NPAT: variants seen among roughly 807,000 people sequenced by gnomAD.
NPAT encodes nuclear protein, coactivator of histone transcription.
A neutral mutation model predicts 130.7 loss-of-function variants in NPAT; 52 were observed. That is an observed-to-expected ratio of 0.40 (90% CI 0.32 to 0.50). The LOEUF is 0.50. NPAT is among the 20% of genes least tolerant of loss of function. NPAT has a pLI of 0.68. For synonymous variants in NPAT, 580 were observed against 584.8 expected, an observed-to-expected ratio of 0.99 and a Z score of 0.12; for missense variants, 1,687 against 1,662.6, an observed-to-expected ratio of 1.01 and a Z score of -0.26.
At chr11:108,203,520 T>C (rs2078294887) in intron 1 of NPAT, among the ~76,000 whole-genome samples, 1 of 152,208 alleles carries the variant, frequency 6.6e-6, no homozygotes, top group African/African-American at 2.4e-5. Flanking sequence ...TCTGTTGACC[T>C]GTAACAGTAC....
intron 1 of NPAT, among the ~76,000 whole-genome samples, chr11:108,201,962 T>A (rs1445528247): frequency 5.3e-5 from 8 of 152,112 alleles, no homozygotes; most frequent in Non-Finnish European, 1.0e-4. Flanking sequence ...AGTTCTTTTG[T>A]GGAATAAGGG....
At chr11:108,187,152 T>C (rs1270332510) in intron 7 of NPAT, among the ~76,000 whole-genome samples, 1 of 152,172 alleles carries the variant, frequency 6.6e-6, no homozygotes, top group Non-Finnish European at 1.5e-5. Context: ...TGTTAAATAT[T>C]AATGTTGCTC....
Position 108,161,360 on chromosome 11 carries a change from A to C in NPAT, c.3726T>G (p.Ile1242Met), listed in dbSNP as rs974492327. The C allele has an allele frequency of 6.2e-7, 1 of 1,614,186 alleles. No individual in the cohort carries two copies. Among genetic ancestry groups the C allele is most frequent in the East Asian group, 2.2e-5 (1 of 44,888 alleles). Residue 1242 changes from isoleucine (I) to methionine (M), a missense_variant, in exon 17 of 18, where the codon ATT (isoleucine) becomes ATG (methionine). Physicochemically the swap from Ile to Met is conservative, Grantham distance 10 (BLOSUM62 1). This residue lies in a region of NPAT where 1,379 missense variants were observed against 1,346.6 expected (regional missense o/e 1.02). Transcript: ENST00000278612. ...GTATATCCTGTAACATTTCTGTGGT[A>C]ATCAAAGAACTGGCGGATTTAGTTT... is the stretch of plus-strand genomic sequence containing the variant. ...QEQTKSASSL[I>M]TTEMLQDIQR...
chr11:108,166,951 C>T (rs1380249765), intron 15 of NPAT, among the ~76,000 whole-genome samples: 1 of 152,088 alleles, frequency 6.6e-6, no homozygotes, highest in Non-Finnish European at 1.5e-5. Context: ...TTCAAATATT[C>T]TCCATTTCTA....
intron 1 of NPAT, among the ~76,000 whole-genome samples, chr11:108,215,754 G>A (rs1447931208): frequency 6.6e-6 from 1 of 152,182 alleles, no homozygotes. Flanking sequence ...CTCTCTACTT[G>A]TTGATGAATC....
Position 108,160,978 on chromosome 11 carries a change from G to A in NPAT, c.4108C>T (p.Arg1370Trp), listed in dbSNP as rs1465238492. The change falls in exon 17 of 18, where the codon CGG becomes TGG. Residue 1370 changes from arginine (R) to tryptophan (W), a missense_variant. This residue lies in a region of NPAT where 1,379 missense variants were observed against 1,346.6 expected (regional missense o/e 1.02). Transcript: ENST00000278612. ...CGTTCATCTAATTCCTCAATTTTCC[G>A]CTTTTTTGTGGTGCTCCTTGAAGAT... The part of the protein sequence containing the change: ...RASSRSTTKK[R>W]KIEELDERER... 1.2e-6 allele frequency: 2 copies of A among 1,613,936 alleles called. No individual in the cohort carries two copies. The highest frequency in any genetic ancestry group is 3.3e-5 in the Admixed American group (2 of 59,984).
At chr11:108,178,046 T>A (rs1328930645) in intron 10 of NPAT, among the ~76,000 whole-genome samples, 1 of 152,188 alleles carries the variant, frequency 6.6e-6, no homozygotes, top group Non-Finnish European at 1.5e-5. Context: ...TATAATCTAC[T>A]TTCTTTACAT....
At chr11:108,222,270 C>T (rs1038850347) in intron 1 of NPAT, among the ~76,000 whole-genome samples, 5 of 152,140 alleles carry the variant, frequency 3.3e-5, no homozygotes, top group South Asian at 2.1e-4. Context: ...CCCGAGCTTC[C>T]CCTCGGGCTT....
At chr11:108,188,676 G>A (rs985091987) in intron 6 of NPAT, among the ~76,000 whole-genome samples, 7 of 152,228 alleles carry the variant, frequency 4.6e-5, no homozygotes, top group South Asian at 2.1e-4. Context: ...CACTCTCTAA[G>A]GATATTCCTA....
At chr11:108,162,710 C>T (rs1169600632) in intron 15 of NPAT, among the ~76,000 whole-genome samples, 1 of 152,202 alleles carries the variant, frequency 6.6e-6, no homozygotes, top group African/African-American at 2.4e-5. Flanking sequence ...GGATTATAGG[C>T]GTGAACCACC....
chr11:108,208,348 G>A, intron 1 of NPAT: 4 of 375,146 alleles, frequency 1.1e-5, no homozygotes, highest in South Asian at 5.6e-5. Flanking sequence ...AGCTCACTTT[G>A]GGGAGGCTGA....
chr11:108,169,795 C>T lies in NPAT; in HGVS notation c.2959G>A (p.Val987Ile), dbSNP rs62642487. ...VCNRSIPQFP[V>I]PPKSQKAQGL... is the part of the protein sequence containing the mutation. The stretch of plus-strand genomic sequence containing the variant: ...TGAGCCTTCTGAGATTTTGGAGGGA[C>T]GGGGAATTGAGGGATACTTCTATTG... The change falls in exon 15 of 18, where the codon GTC (valine) becomes ATC (isoleucine). Residue 987 changes from valine to isoleucine, a missense_variant. Physicochemically the swap from Val to Ile is conservative, Grantham distance 29 (BLOSUM62 3). Coordinates refer to ENST00000278612, the MANE Select transcript of NPAT (RefSeq NM_002519.3). The T allele has an allele frequency of 3.1e-4, 507 of 1,613,830 alleles. 1 individual carries two copies. Among genetic ancestry groups the T allele is most frequent in the African/African-American group, 3.0e-3 (225 of 74,966 alleles).
intron 10 of NPAT, among the ~76,000 whole-genome samples, chr11:108,179,558 C>G (rs1200433210): frequency 3.3e-5 from 5 of 152,122 alleles, no homozygotes; most frequent in Admixed American, 1.3e-4. Flanking sequence ...TACTTTGAAG[C>G]CTTACATTTA....
At chr11:108,221,196 G>A (rs1184226656) in intron 1 of NPAT, among the ~76,000 whole-genome samples, 1 of 152,138 alleles carries the variant, frequency 6.6e-6, no homozygotes, top group Non-Finnish European at 1.5e-5. Context: ...TAAGGGTAGG[G>A]TGGGGAACGG....
intron 17 of NPAT, among the ~76,000 whole-genome samples, chr11:108,159,657 A>G (rs1036228127): frequency 1.3e-5 from 2 of 152,058 alleles, no homozygotes; most frequent in African/African-American, 2.4e-5. Flanking sequence ...TCGAAAATAA[A>G]TGGATTTCAT....
At chr11:108,195,936 T>C (rs2078215196) in intron 2 of NPAT, among the ~76,000 whole-genome samples, 1 of 152,232 alleles carries the variant, frequency 6.6e-6, no homozygotes, top group East Asian at 1.9e-4. Context: ...CCAGCCTATT[T>C]CTTCTAACGT....
chr11:108,193,650 A>C (rs898324234), intron 3 of NPAT, among the ~76,000 whole-genome samples: 2 of 152,052 alleles, frequency 1.3e-5, no homozygotes, highest in Non-Finnish European at 2.9e-5. Flanking sequence ...GCTTGAATCC[A>C]GGAGCTGGAG....
intron 10 of NPAT, among the ~76,000 whole-genome samples, chr11:108,179,772 G>A (rs1342135011): frequency 1.3e-5 from 2 of 151,830 alleles, no homozygotes; most frequent in Non-Finnish European, 2.9e-5. Context: ...AACATAGGGA[G>A]ACCTCACCTC....
intron 15 of NPAT, among the ~76,000 whole-genome samples, chr11:108,166,063 G>A (rs532641451): frequency 4.6e-5 from 7 of 152,120 alleles, no homozygotes; most frequent in South Asian, 4.2e-4. Flanking sequence ...AATTATAGGA[G>A]TGGAGCCATT....
Sources: gnomAD v4.1 joint callset for allele counts (sites outside exome capture counted in the v4.1 genomes callset) on GRCh38, gnomAD v4.1.1 for gene constraint, gnomAD v4.1.1 regional missense constraint, MANE v1.5 for transcripts, NCBI Gene and HGNC (gene_info 2026-07-23, HGNC 2026-07-21) for gene names.